The following NIPBL variants were observed in gnomAD, a reference collection of about 807,000 sequenced individuals.
NIPBL encodes the protein nipped-B-like protein.
NIPBL carries 19 observed loss-of-function variants against 321.8 expected under a neutral mutation model. The ratio of observed to expected loss-of-function variants is 0.06; its 90% CI spans 0.04 to 0.09. NIPBL has a LOEUF of 0.09. NIPBL is among the 10% of genes least tolerant of loss of function. The probability of loss-of-function intolerance (pLI) is 1.00; values close to 1 mark genes in which losing one functional copy is unlikely to be tolerated. For synonymous variants in NIPBL, 1,106 were observed against 1,114.1 expected (o/e 0.99, Z 0.14); for missense variants, 2,210 against 3,327.0 (o/e 0.66, Z 8.26).
intron 1 of NIPBL, among the ~76,000 whole-genome samples, chr5:36,883,277 T>A (rs1023137303): frequency 5.9e-5 from 9 of 151,972 alleles, no homozygotes; most frequent in Admixed American, 4.6e-4. Flanking sequence ...ATATACCAAT[T>A]TCCTTTGAGT....
At chr5:37,036,314 C>T (rs1021563159) in intron 32 of NIPBL, 65 bp from the exon 33 acceptor site, 20 of 345,048 alleles carry the variant, frequency 5.8e-5, no homozygotes, top group South Asian at 3.9e-4. Flanking sequence ...ATAATTATAC[C>T]GGGATTTTTT....
Position 37,064,626 on chromosome 5 carries a change from A to G in NIPBL, c.8149A>G (p.Lys2717Glu), listed in dbSNP as rs1049415255. 3 of 1,614,212 alleles carry G rather than the reference A, an allele frequency of 1.9e-6. No homozygotes were observed. The highest frequency in any genetic ancestry group is 3.3e-5 in the Admixed American group (2 of 60,000). ...VMDVIAICCP[K>E]YKDRPQIARV... Reference sequence around the variant, plus strand: ...GGATGTCATCGCTATTTGCTGTCCAAAGTACAAAGATCGACCACAAATTGC... The same window carrying G: ...GGATGTCATCGCTATTTGCTGTCCAGAGTACAAAGATCGACCACAAATTGC... Residue 2717 changes from lysine (K) to glutamate (E), a missense_variant, in exon 47 of 47, where the codon AAG (lysine) becomes GAG (glutamate). Physicochemically the swap from Lys to Glu is moderately conservative, Grantham distance 56 (BLOSUM62 1). Transcript: ENST00000282516.
intron 42 of NIPBL, 119 bp from the exon 43 acceptor site, chr5:37,057,067 C>T: frequency 1.1e-6 from 1 of 940,452 alleles, no homozygotes; most frequent in Non-Finnish European, 1.7e-6. Context: ...TGTGTGTCTG[C>T]TTATCTCTGT....
In NIPBL at chr5:36,993,929, T is replaced by C. The variant is rs540569549; in HGVS notation, c.3122-1693T>C. 7.2e-5 allele frequency among the ~76,000 whole-genome samples: 11 copies of C among 152,250 alleles called. No homozygotes were observed. The South Asian group carries it at 2.3e-3, about 32-fold the overall frequency. On this transcript the variant is annotated intron_variant, in intron 10 of 46. Transcript: ENST00000282516. The stretch of plus-strand genomic sequence containing the variant: ...CTATTGACTATCCATATATATGTAC[T>C]CAATATTATGTAGGTCATGTGGAAA...
At chr5:37,016,783 A>G (rs1440101193) in intron 23 of NIPBL, among the ~76,000 whole-genome samples, 1 of 152,128 alleles carries the variant, frequency 6.6e-6, no homozygotes, top group Non-Finnish European at 1.5e-5. Flanking sequence ...GAGCCTGCAT[A>G]TTTAATGAGT....
rs573939294 is a variant in NIPBL at position 36,973,688 on chromosome 5, C to T, written c.868+1647C>T. 3.4e-3 allele frequency among the ~76,000 whole-genome samples: 520 copies of T among 152,286 alleles called. 1 individual carries two copies. The highest frequency in any genetic ancestry group is 4.6e-3 in the Non-Finnish European group (312 of 68,018). ...GTTTCACCATGTTGGTCAGGCTGGT[C>T]TCGAACTCCTGACCTCGTGATCTGC... On this transcript the variant is annotated intron_variant, in intron 8 of 46. Transcript: ENST00000282516.
chr5:36,965,137 A>G (rs1742062114), intron 6 of NIPBL, among the ~76,000 whole-genome samples: 1 of 152,128 alleles, frequency 6.6e-6, no homozygotes, highest in African/African-American at 2.4e-5. Flanking sequence ...CAGAATACTA[A>G]AAATAGAGCT....
intron 1 of NIPBL, among the ~76,000 whole-genome samples, chr5:36,904,147 T>G (rs1251899853): frequency 6.6e-6 from 1 of 152,162 alleles, no homozygotes; most frequent in Non-Finnish European, 1.5e-5. Context: ...AAATATTTAG[T>G]GTACTGTAGA....
chr5:36,884,371 A>G (rs1745728526), intron 1 of NIPBL, among the ~76,000 whole-genome samples: 1 of 152,202 alleles, frequency 6.6e-6, no homozygotes, highest in Admixed American at 6.5e-5. Context: ...ATTGACATTA[A>G]CCATGAAAAT....
chr5:36,921,648 A>G (rs1027481031), intron 1 of NIPBL, among the ~76,000 whole-genome samples: 2 of 152,170 alleles, frequency 1.3e-5, no homozygotes. Flanking sequence ...TCAGTTAGGG[A>G]AAGGAGAATT....
intron 34 of NIPBL, among the ~76,000 whole-genome samples, chr5:37,039,980 C>T (rs1445103663): frequency 6.6e-6 from 1 of 151,996 alleles, no homozygotes; most frequent in Non-Finnish European, 1.5e-5. Context: ...CATGTATTAT[C>T]TCATTAACTT....
At chr5:36,964,290 A>G (rs1020161405) in intron 6 of NIPBL, among the ~76,000 whole-genome samples, 5 of 152,166 alleles carry the variant, frequency 3.3e-5, no homozygotes, top group African/African-American at 1.2e-4. Context: ...CCAAATTTCC[A>G]AAGCAATCCT....
intron 9 of NIPBL, 111 bp downstream of exon 9, chr5:36,976,513 T>G: frequency 1.0e-6 from 1 of 1,002,396 alleles, no homozygotes; most frequent in Non-Finnish European, 1.5e-6. Context: ...AATTTATGTC[T>G]ACTCAAGTAC....
chr5:37,036,544 T>C, intron 33 of NIPBL, 57 bp downstream of exon 33: 2 of 711,028 alleles, frequency 2.8e-6, no homozygotes. Flanking sequence ...TATTTTTAAA[T>C]ATTTTGAGTA....
intron 1 of NIPBL, among the ~76,000 whole-genome samples, chr5:36,914,972 T>C (rs912665368): frequency 6.6e-6 from 1 of 152,072 alleles, no homozygotes; most frequent in African/African-American, 2.4e-5. Context: ...AAAAGGAGTT[T>C]TTTCCTCAGA....
chr5:37,020,959 A>G (rs1749557060), intron 27 of NIPBL, 82 bp downstream of exon 27: 6 of 951,334 alleles, frequency 6.3e-6, no homozygotes, highest in African/African-American at 1.6e-5. Flanking sequence ...AATATCATTC[A>G]TTGTTGAGTA....
intron 17 of NIPBL, 32 bp from the exon 18 acceptor site, chr5:37,007,291 G>C: frequency 6.3e-7 from 1 of 1,592,804 alleles, no homozygotes; most frequent in Middle Eastern, 1.7e-4. Flanking sequence ...AAAAGTTGAT[G>C]TTTTCCTTAT....
At position 37,046,763 on chromosome 5, in the gene NIPBL, A is replaced by G. The variant is rs527945596; in HGVS notation, c.6589+564A>G. On this transcript the variant is annotated intron_variant, in intron 38 of 46. Transcript: ENST00000282516. ...TGTTTTGCAATTGTTAGGCAGGTCTATGTGGCTTATATCTAGGAAGGAATT... is the reference window on the plus strand; with the variant it reads ...TGTTTTGCAATTGTTAGGCAGGTCTGTGTGGCTTATATCTAGGAAGGAATT... Among the ~76,000 whole-genome samples the G allele has an allele frequency of 1.1e-4, 16 of 152,324 alleles. 1 individual carries two copies. The Middle Eastern group carries it at 0.02, about 194-fold the overall frequency.
chr5:36,890,083 A>G (rs567722880), intron 1 of NIPBL, among the ~76,000 whole-genome samples: 2 of 152,278 alleles, frequency 1.3e-5, no homozygotes, highest in South Asian at 2.1e-4. Flanking sequence ...ACGTTGGATC[A>G]TAAAGATTTT....
Sources: allele counts gnomAD v4.1 joint callset (sites outside exome capture counted in the v4.1 genomes callset), GRCh38; gene constraint gnomAD v4.1.1; transcripts MANE v1.5; gene names NCBI Gene and HGNC (gene_info 2026-07-23, HGNC 2026-07-21).